The following GSE1 variants were observed in gnomAD, a reference collection of about 807,000 sequenced individuals.
GSE1 encodes the protein genetic suppressor element 1.
Under a neutral mutation model 112.6 loss-of-function variants are expected in GSE1, and 32 were observed. That is an observed-to-expected ratio of 0.28 (90% CI 0.21 to 0.38). The LOEUF is 0.38. Among genes scored for constraint, GSE1 ranks in the 10% least tolerant of loss-of-function variants. GSE1 has a pLI of 1.00. For synonymous variants in GSE1, 1,115 were observed against 735.6 expected (o/e 1.52, Z -8.35); for missense variants, 2,348 against 1,699.2 (o/e 1.38, Z -6.71).
intron 1 of GSE1, among the ~76,000 whole-genome samples, chr16:85,184,299 G>A (rs1481288384): frequency 6.6e-6 from 1 of 152,172 alleles, no homozygotes; most frequent in Non-Finnish European, 1.5e-5. Context: ...CTCTGCTGGT[G>A]GCATCTTCTG....
intron 2 of GSE1, among the ~76,000 whole-genome samples, chr16:85,416,341 G>A (rs2048701788): frequency 6.6e-6 from 1 of 152,164 alleles, no homozygotes. Context: ...ATTTCTCAAG[G>A]TTGAATGTAT....
chr16:85,231,621 G>T (rs1904287945), intron 1 of GSE1, among the ~76,000 whole-genome samples: 1 of 152,292 alleles, frequency 6.6e-6, no homozygotes, highest in Non-Finnish European at 1.5e-5. Context: ...GAATAGAGGG[G>T]TGGCTAGTTG....
At chr16:85,501,487 G>C (rs2051365898) in intron 2 of GSE1, among the ~76,000 whole-genome samples, 1 of 151,124 alleles carries the variant, frequency 6.6e-6, no homozygotes, top group African/African-American at 2.4e-5. Flanking sequence ...TCAACTCCTG[G>C]GTTCAAGCGA....
At chr16:85,468,160 T>G (rs1297635368) in intron 2 of GSE1, among the ~76,000 whole-genome samples, 1 of 142,212 alleles carries the variant, frequency 7.0e-6, no homozygotes, top group Non-Finnish European at 1.5e-5. Flanking sequence ...GTTTCTGTAC[T>G]TGGGGTTCCT....
intron 2 of GSE1, among the ~76,000 whole-genome samples, chr16:85,635,381 G>A (rs999120837): frequency 6.6e-6 from 1 of 152,192 alleles, no homozygotes; most frequent in Non-Finnish European, 1.5e-5. Flanking sequence ...CCTTGGCAGG[G>A]GACTCCCTGG....
chr16:85,497,810 GC>G (rs771173858), intron 2 of GSE1, among the ~76,000 whole-genome samples: 42 of 152,192 alleles, frequency 2.8e-4, no homozygotes, highest in Non-Finnish European at 4.6e-4. Flanking sequence ...TGCACCCCCG[GC>G]CCACAGCCAG....
chr16:85,288,669 T>A (rs1183872111), intron 1 of GSE1, among the ~76,000 whole-genome samples: 1 of 152,090 alleles, frequency 6.6e-6, no homozygotes. Flanking sequence ...TCCTGGGGGC[T>A]GGGGTGCATA....
chr16:85,434,383 G>A (rs866023213), intron 2 of GSE1, among the ~76,000 whole-genome samples: 4 of 151,870 alleles, frequency 2.6e-5, no homozygotes, highest in African/African-American at 7.3e-5. Flanking sequence ...CGGTGTCAGC[G>A]CTTTACTTGT....
At chr16:85,600,585 CAAA>C (rs2047420710) in intron 1 of GSE1, among the ~76,000 whole-genome samples, 2 of 146,038 alleles carry the variant, frequency 1.4e-5, no homozygotes, top group African/African-American at 5.4e-5. Context: ...ACACACACCC[CAAA>C]CACACACACA....
In GSE1 at chr16:85,484,121, G is replaced by A. The variant is rs2050763236; in HGVS notation, c.2464+126478G>A. Among the ~76,000 whole-genome samples the A allele has an allele frequency of 2.0e-5, 3 of 152,256 alleles. No homozygotes were observed. The South Asian group carries it at 6.2e-4, about 32-fold the overall frequency. On this transcript the variant is annotated intron_variant, in intron 2 of 2. Transcript: ENST00000637419. The stretch of plus-strand genomic sequence containing the variant: ...TTTATGTGGCTCCCGGACCAGTTAT[G>A]CCGTGCAGGAATATGCCCCTTCATA...
At chr16:85,290,053 G>A (rs1009991258) in intron 1 of GSE1, among the ~76,000 whole-genome samples, 1 of 152,172 alleles carries the variant, frequency 6.6e-6, no homozygotes, top group Non-Finnish European at 1.5e-5. Flanking sequence ...GAACCCAGCG[G>A]GGAAGTGAGA....
At chr16:85,302,540 G>T (rs931204859) in intron 1 of GSE1, among the ~76,000 whole-genome samples, 1 of 152,124 alleles carries the variant, frequency 6.6e-6, no homozygotes. Context: ...GACAGCAGGC[G>T]TGAGAGGTTG....
chr16:85,670,434 G>T (rs565601583), intron 14 of GSE1, among the ~76,000 whole-genome samples: 1 of 152,082 alleles, frequency 6.6e-6, no homozygotes, highest in Admixed American at 6.5e-5. Context: ...GTACTTTTAG[G>T]ATTTTTAATG....
intron 1 of GSE1, among the ~76,000 whole-genome samples, chr16:85,597,196 C>T (rs1036058019): frequency 1.3e-5 from 2 of 151,554 alleles, no homozygotes; most frequent in African/African-American, 4.8e-5. Flanking sequence ...CCAGGCTGGT[C>T]TCGAACTCCT....
At chr16:85,658,237 C>T (rs1342933982) in intron 8 of GSE1, among the ~76,000 whole-genome samples, 1 of 152,138 alleles carries the variant, frequency 6.6e-6, no homozygotes, top group Non-Finnish European at 1.5e-5. Flanking sequence ...TGGTCCCAGG[C>T]CCCCACGTCA....
At chr16:85,240,563 G>T (rs1317363085) in intron 1 of GSE1, among the ~76,000 whole-genome samples, 2 of 152,254 alleles carry the variant, frequency 1.3e-5, no homozygotes, top group Non-Finnish European at 2.9e-5. Flanking sequence ...GGCTCTCTGA[G>T]CCTCACCTGG....
rs2051864439 is a variant in GSE1, at chr16:85,655,758, G to A, written c.830G>A (p.Arg277Lys). ...MDDSYCLSAL[R>K]SPFYPIPTPG... ...GACTCCTACTGCCTGTCTGCCCTGA[G>A]GTCCCCGTTCTACCCCATCCCCACC... The change falls in exon 6 of 16, where the codon AGG (arginine) becomes AAG (lysine). Residue 277 changes from arginine (R) to lysine (K), a missense_variant. Physicochemically the swap from Arg to Lys is conservative, Grantham distance 26. Transcript: ENST00000253458. 6.2e-7 allele frequency: 1 copy of A among 1,609,094 alleles called. No homozygotes were observed. The highest frequency in any genetic ancestry group is 8.5e-7 in the Non-Finnish European group (1 of 1,178,004).
At chr16:85,647,027 G>A (rs1311978671) in intron 2 of GSE1, among the ~76,000 whole-genome samples, 1 of 152,200 alleles carries the variant, frequency 6.6e-6, no homozygotes, top group Admixed American at 6.5e-5. Flanking sequence ...GGGCGGGAGG[G>A]AGACAACAGA....
chr16:85,230,151 G>C (rs186523115), intron 1 of GSE1, among the ~76,000 whole-genome samples: 19 of 152,314 alleles, frequency 1.2e-4, no homozygotes, highest in Non-Finnish European at 2.5e-4. Context: ...CATTTTACAC[G>C]TAGGAAAACT....
Sources: gnomAD v4.1 joint callset for allele counts (sites outside exome capture counted in the v4.1 genomes callset) on GRCh38, gnomAD v4.1.1 for gene constraint, MANE v1.5 for transcripts, NCBI Gene and HGNC (gene_info 2026-07-23, HGNC 2026-07-21) for gene names.